Variants in MARCHF10 observed in about 807,000 individuals in gnomAD.
The protein encoded by MARCHF10 is membrane associated ring-CH-type finger 10.
In MARCHF10, 64 loss-of-function variants were observed where a neutral mutation model predicts 76.2. The observed-to-expected ratio is 0.84, with a 90% CI of 0.69 to 1.03. MARCHF10 has a LOEUF of 1.03. Among genes scored for constraint, MARCHF10 ranks in the 50% least tolerant of loss-of-function variants. The pLI, the probability that MARCHF10 is intolerant of heterozygous loss-of-function variation, is 0.00. For missense variants in MARCHF10, 875 were observed against 958.0 expected, an observed-to-expected ratio of 0.91 and a Z score of 1.14; for synonymous variants, 340 against 357.5, an observed-to-expected ratio of 0.95 and a Z score of 0.55.
rs1277792531 is a variant in MARCHF10, at chr17:62,738,344, T to A, written c.536-1012A>T. ...CTTGTGAAAATGAGAATCCATTGAA[T>A]TCATCGTGGTGTGTGTGTGCTGTTG... On this transcript the variant is annotated intron_variant, in intron 5 of 10. Transcript: ENST00000311269. The surrounding 1 kb of genome is among the most constrained non-coding windows in gnomAD (Gnocchi z 4.0). Among the ~76,000 whole-genome samples the A allele has an allele frequency of 6.6e-6, 1 of 152,202 alleles. No homozygotes were observed. Among genetic ancestry groups the A allele is most frequent in the African/African-American group, 2.4e-5 (1 of 41,450 alleles).
At position 62,743,526 on chromosome 17, in the gene MARCHF10, C is replaced by T. The variant is rs1335717475; in HGVS notation, c.535+850G>A. On this transcript the variant is annotated intron_variant, in intron 5 of 10. Transcript: ENST00000311269. The stretch of plus-strand genomic sequence containing the variant: ...GGCATGGTGGTGCGCGCCTGTGGTC[C>T]CAGCTACTTGGGAGGCTGAGGCATG... Among the ~76,000 whole-genome samples, 5 of 152,050 alleles carry T rather than the reference C, an allele frequency of 3.3e-5. No homozygotes were observed. The South Asian group carries it at 8.3e-4, about 25-fold the overall frequency.
intron 2 of MARCHF10, among the ~76,000 whole-genome samples, chr17:62,791,320 C>G (rs2092838338): frequency 6.6e-6 from 1 of 152,164 alleles, no homozygotes; most frequent in Non-Finnish European, 1.5e-5. Flanking sequence ...CCGTCCTAAC[C>G]TACTGGTATT....
intron 6 of MARCHF10, among the ~76,000 whole-genome samples, chr17:62,728,365 A>G (rs1012611541): frequency 2.6e-5 from 4 of 152,140 alleles, no homozygotes; most frequent in Non-Finnish European, 5.9e-5. Flanking sequence ...ATGACATTCA[A>G]TTACACAAAA....
chr17:62,736,890 C>T lies in MARCHF10; in HGVS notation c.978G>A (p.Gln326=), dbSNP rs778461674. 1.9e-5 allele frequency: 30 copies of T among 1,613,832 alleles called. No individual in the cohort carries two copies. The highest frequency in any genetic ancestry group is 2.4e-5 in the Non-Finnish European group (28 of 1,179,914). ...RSRFGGTSTP[Q]AKNKNFEENA... ...TTTCTTCAAAATTTTTATTTTTGGC[C>T]TGAGGGGTCGATGTCCCCCCAAATC... The change falls in exon 6 of 11, where the codon CAG becomes CAA. Residue 326 remains glutamine, a synonymous_variant. Coordinates refer to ENST00000311269, the MANE Select transcript of MARCHF10 (RefSeq NM_152598.4).
At chr17:62,773,511 G>A (rs891530341) in intron 3 of MARCHF10, among the ~76,000 whole-genome samples, 2 of 152,112 alleles carry the variant, frequency 1.3e-5, no homozygotes, top group Admixed American at 1.3e-4. Flanking sequence ...AAGTGGAGGG[G>A]GATGTGGGAT....
intron 3 of MARCHF10, among the ~76,000 whole-genome samples, chr17:62,770,111 C>T (rs1470491563): frequency 6.6e-6 from 1 of 152,142 alleles, no homozygotes; most frequent in Admixed American, 6.5e-5. Flanking sequence ...TAAGTGAGAA[C>T]GTGTGGTATT....
chr17:62,720,818 A>G (rs893457278), intron 8 of MARCHF10, among the ~76,000 whole-genome samples: 2 of 150,246 alleles, frequency 1.3e-5, no homozygotes, highest in African/African-American at 4.9e-5. Flanking sequence ...ACTGGTTTCC[A>G]TAGAGCTTTC....
chr17:62,784,730 A>G (rs1472749020), intron 3 of MARCHF10, among the ~76,000 whole-genome samples: 2 of 152,198 alleles, frequency 1.3e-5, no homozygotes, highest in Non-Finnish European at 2.9e-5. Flanking sequence ...TGCACCAATA[A>G]CAGACAAACA....
chr17:62,806,891 A>G (rs775547466), intron 1 of MARCHF10, among the ~76,000 whole-genome samples: 1 of 152,240 alleles, frequency 6.6e-6, no homozygotes, highest in African/African-American at 2.4e-5. Flanking sequence ...GTTCTTAATA[A>G]CAATCAAAGT....
At chr17:62,794,405 A>G (rs563326563) in intron 2 of MARCHF10, among the ~76,000 whole-genome samples, 2 of 152,320 alleles carry the variant, frequency 1.3e-5, no homozygotes, top group African/African-American at 4.8e-5. Flanking sequence ...GCCAAAGCAT[A>G]TGACTCTGAT....
rs368967851 is a variant in MARCHF10 at position 62,800,131 on chromosome 17, GAGAAC to G, written c.90+1510_90+1514del. ...CTTAATCTTAGAATAAGAATTCCAG[GAGAAC>G]AGAGGCTTTGTTCAGCACATAGTAG... is the stretch of plus-strand genomic sequence containing the variant. On this transcript the variant is annotated intron_variant, in intron 2 of 10. Transcript: ENST00000311269. Among the ~76,000 whole-genome samples, 636 of 152,216 alleles carry G rather than the reference GAGAAC, an allele frequency of 4.2e-3. 4 individuals are homozygous for G. The highest frequency in any genetic ancestry group is 6.1e-3 in the Non-Finnish European group (413 of 68,008).
chr17:62,792,786 T>TCCACCA (rs2092879950), intron 2 of MARCHF10, among the ~76,000 whole-genome samples: 2 of 49,368 alleles, frequency 4.1e-5, no homozygotes, highest in Non-Finnish European at 7.7e-5. Context: ...CACCACCACC[T>TCCACCA]CCATCACCAC....
At chr17:62,716,981 A>C (rs1347392221) in intron 8 of MARCHF10, among the ~76,000 whole-genome samples, 1 of 152,238 alleles carries the variant, frequency 6.6e-6, no homozygotes, top group Non-Finnish European at 1.5e-5. Context: ...ACAGGTGTCC[A>C]TGTCACCTCC....
At chr17:62,761,702 G>A (rs572876858) in intron 3 of MARCHF10, among the ~76,000 whole-genome samples, 4 of 152,274 alleles carry the variant, frequency 2.6e-5, no homozygotes, top group Admixed American at 6.5e-5. Flanking sequence ...GATTATAGGC[G>A]TGAGCCACTG....
At chr17:62,709,501 C>CA (rs779687365) in intron 9 of MARCHF10, among the ~76,000 whole-genome samples, 2 of 151,654 alleles carry the variant, frequency 1.3e-5, no homozygotes, top group African/African-American at 2.4e-5. Flanking sequence ...AAAAACAAAA[C>CA]AAAAAAAACG....
At chr17:62,720,599 G>A (rs991250726) in intron 8 of MARCHF10, among the ~76,000 whole-genome samples, 1 of 137,838 alleles carries the variant, frequency 7.3e-6, no homozygotes, top group African/African-American at 2.5e-5. Flanking sequence ...ATACCAAAAT[G>A]GTTACTTTCC....
chr17:62,790,302 A>G (rs1003808359), intron 2 of MARCHF10, among the ~76,000 whole-genome samples: 3 of 152,080 alleles, frequency 2.0e-5, no homozygotes, highest in Admixed American at 6.5e-5. Context: ...TAGCCTCCCA[A>G]GTAGCTGGGG....
intron 4 of MARCHF10, among the ~76,000 whole-genome samples, chr17:62,748,522 A>G (rs1457372240): frequency 6.6e-6 from 1 of 152,212 alleles, no homozygotes; most frequent in Non-Finnish European, 1.5e-5. Context: ...AGATCACTTG[A>G]GCCCAGGAGT....
intron 6 of MARCHF10, among the ~76,000 whole-genome samples, chr17:62,727,097 C>T (rs898165348): frequency 6.6e-5 from 10 of 152,136 alleles, no homozygotes; most frequent in African/African-American, 2.4e-4. Flanking sequence ...TATCTGGGGC[C>T]CAGGAACCTG....
Sources: gnomAD v4.1 joint callset for allele counts (sites outside exome capture counted in the v4.1 genomes callset) on GRCh38, gnomAD v4.1.1 for gene constraint, Gnocchi (gnomAD v3.1) non-coding constraint, MANE v1.5 for transcripts, NCBI Gene and HGNC (gene_info 2026-07-23, HGNC 2026-07-21) for gene names.